The following TCERG1L variants were observed in gnomAD, a reference collection of about 807,000 sequenced individuals.
The protein encoded by TCERG1L is transcription elongation regulator 1 like.
A neutral mutation model predicts 56.3 loss-of-function variants in TCERG1L; 37 were observed. The observed-to-expected ratio is 0.66, with a 90% confidence interval of 0.51 to 0.87. TCERG1L has a LOEUF of 0.87. TCERG1L is among the 40% of genes least tolerant of loss of function. TCERG1L has a pLI of 0.00. For missense variants in TCERG1L, 799 were observed against 774.2 expected, an observed-to-expected ratio of 1.03 and a Z score of -0.38; for synonymous variants, 324 against 326.3, an observed-to-expected ratio of 0.99 and a Z score of 0.08.
At chr10:131,157,482 C>T (rs2918147) in intron 6 of TCERG1L, among the ~76,000 whole-genome samples, 28,996 of 151,932 alleles carry the variant, frequency 0.19, 4,147 homozygotes, top group African/African-American at 0.41. Context: ...CGAGCAATTA[C>T]TGTTGACATT....
intron 4 of TCERG1L, among the ~76,000 whole-genome samples, chr10:131,241,495 G>T (rs556409874): frequency 4.6e-5 from 7 of 152,090 alleles, no homozygotes; most frequent in Non-Finnish European, 8.8e-5. Context: ...AGGGGATAGC[G>T]CAATATAAAA....
chr10:131,270,387 C>T (rs940944146), intron 3 of TCERG1L, among the ~76,000 whole-genome samples: 9 of 152,228 alleles, frequency 5.9e-5, no homozygotes, highest in Non-Finnish European at 7.3e-5. Flanking sequence ...CAAAGGACCA[C>T]AGGGAATCCC....
chr10:131,299,056 A>G (rs964801212), intron 3 of TCERG1L, among the ~76,000 whole-genome samples: 1 of 152,176 alleles, frequency 6.6e-6, no homozygotes, highest in Non-Finnish European at 1.5e-5. Context: ...GATTAAATGT[A>G]TTTGATTAGA....
intron 3 of TCERG1L, among the ~76,000 whole-genome samples, chr10:131,305,549 G>C (rs987393972): frequency 3.3e-5 from 5 of 152,026 alleles, no homozygotes; most frequent in African/African-American, 1.2e-4. Context: ...TACATCATTT[G>C]AGTTCATAGT....
intron 3 of TCERG1L, among the ~76,000 whole-genome samples, chr10:131,264,430 C>T (rs1194555075): frequency 6.6e-6 from 1 of 152,200 alleles, no homozygotes; most frequent in Admixed American, 6.5e-5. Context: ...TACAGAGAAG[C>T]CATACAGCTT....
At chr10:131,249,956 G>A (rs2133531510) in intron 4 of TCERG1L, among the ~76,000 whole-genome samples, 1 of 152,282 alleles carries the variant, frequency 6.6e-6, no homozygotes, top group Non-Finnish European at 1.5e-5. Flanking sequence ...TCCCAGAAAG[G>A]AGCACACACC....
intron 4 of TCERG1L, among the ~76,000 whole-genome samples, chr10:131,246,305 G>A (rs1846036628): frequency 6.6e-6 from 1 of 152,180 alleles, no homozygotes; most frequent in Non-Finnish European, 1.5e-5. Flanking sequence ...GCACCATGAA[G>A]GAAGGCTGGG....
intron 4 of TCERG1L, among the ~76,000 whole-genome samples, chr10:131,244,065 T>C (rs906459416): frequency 1.4e-4 from 21 of 152,164 alleles, no homozygotes; most frequent in Admixed American, 1.3e-3. Flanking sequence ...TTGTCTAAAA[T>C]TGACACACCC....
intron 3 of TCERG1L, among the ~76,000 whole-genome samples, chr10:131,273,907 A>C (rs536256232): frequency 6.6e-6 from 1 of 152,336 alleles, no homozygotes; most frequent in East Asian, 1.9e-4. Flanking sequence ...GGAGTGAGAG[A>C]GAAACTATTC....
At chr10:131,098,902 T>C (rs1466912335) in intron 10 of TCERG1L, among the ~76,000 whole-genome samples, 2 of 152,212 alleles carry the variant, frequency 1.3e-5, no homozygotes, top group Admixed American at 6.5e-5. Flanking sequence ...GGTGACGTAA[T>C]TGACATTCGA....
At chr10:131,165,409 G>T (rs1315305968) in intron 5 of TCERG1L, among the ~76,000 whole-genome samples, 1 of 152,190 alleles carries the variant, frequency 6.6e-6, no homozygotes, top group Non-Finnish European at 1.5e-5. Context: ...CACATGATTT[G>T]TAATGTATAT....
chr10:131,216,861 G>A (rs1033843315), intron 4 of TCERG1L, among the ~76,000 whole-genome samples: 1 of 152,164 alleles, frequency 6.6e-6, no homozygotes, highest in Admixed American at 6.5e-5. Context: ...AGCTGGGAGA[G>A]GAAGAAGCTA....
intron 6 of TCERG1L, among the ~76,000 whole-genome samples, chr10:131,148,853 C>T (rs1331158271): frequency 2.0e-5 from 3 of 152,158 alleles, no homozygotes; most frequent in Non-Finnish European, 2.9e-5. Flanking sequence ...CAATGTGTGT[C>T]GCTGGAGCCC....
intron 4 of TCERG1L, among the ~76,000 whole-genome samples, chr10:131,218,710 G>T (rs559565539): frequency 6.6e-6 from 1 of 152,160 alleles, no homozygotes; most frequent in African/African-American, 2.4e-5. Context: ...CTGAGCCACC[G>T]GGAATCATCT....
At chr10:131,125,438 C>T (rs1009090847) in intron 8 of TCERG1L, among the ~76,000 whole-genome samples, 3 of 152,218 alleles carry the variant, frequency 2.0e-5, no homozygotes, top group Admixed American at 2.0e-4. Context: ...TGGTGTTAGA[C>T]ACAATGTGAA....
At chr10:131,128,304 G>A (rs1034800871) in intron 8 of TCERG1L, among the ~76,000 whole-genome samples, 7 of 152,176 alleles carry the variant, frequency 4.6e-5, no homozygotes, top group Admixed American at 4.6e-4. Flanking sequence ...CGACCCAGGA[G>A]GAAGCCGAGG....
At chr10:131,196,372 A>G (rs1209704564) in intron 4 of TCERG1L, among the ~76,000 whole-genome samples, 1 of 152,152 alleles carries the variant, frequency 6.6e-6, no homozygotes, top group Non-Finnish European at 1.5e-5. Context: ...TTTGCAGGGA[A>G]GGTGGTGGGC....
At position 131,118,338 on chromosome 10, in the gene TCERG1L, T is replaced by C. The variant is rs185287002; in HGVS notation, c.1260-1404A>G. Among the ~76,000 whole-genome samples the C allele has an allele frequency of 2.0e-5, 3 of 152,290 alleles. No homozygotes were observed. The highest frequency in any genetic ancestry group is 4.4e-5 in the Non-Finnish European group (3 of 68,026). On this transcript the variant is annotated intron_variant, in intron 8 of 11. Coordinates refer to ENST00000368642, the MANE Select transcript of TCERG1L (RefSeq NM_174937.4). The surrounding 1 kb of genome is among the most constrained non-coding windows in gnomAD (Gnocchi z 4.2). ...AAACCAGCTCACCCTGGGATCTGGATTGTGAGTTTCTCGAACCGTAGTCTG... is the reference window on the plus strand; with the variant it reads ...AAACCAGCTCACCCTGGGATCTGGACTGTGAGTTTCTCGAACCGTAGTCTG...
intron 4 of TCERG1L, among the ~76,000 whole-genome samples, chr10:131,189,953 CA>C (rs1256692701): frequency 4.6e-5 from 7 of 151,324 alleles, no homozygotes; most frequent in East Asian, 1.9e-4. Flanking sequence ...TAAATTCAAA[CA>C]AAAAAATACA....
Sources: allele counts gnomAD v4.1 joint callset (sites outside exome capture counted in the v4.1 genomes callset), GRCh38; gene constraint gnomAD v4.1.1; non-coding constraint Gnocchi (gnomAD v3.1); transcripts MANE v1.5; gene names NCBI Gene and HGNC (gene_info 2026-07-23, HGNC 2026-07-21).